The following MTA3 variants were observed in gnomAD, a reference collection of about 807,000 sequenced individuals.
The protein encoded by MTA3 is metastasis-associated protein MTA3.
In MTA3, 34 loss-of-function variants were observed where a neutral mutation model predicts 83.5. The observed-to-expected ratio is 0.41, with a 90% confidence interval of 0.31 to 0.54. The LOEUF (loss-of-function observed/expected upper bound fraction) is 0.54. Ranked by LOEUF, MTA3 falls within the 20% of genes least tolerant of loss-of-function variation. MTA3 has a pLI of 0.33. For synonymous variants in MTA3, 303 were observed against 252.7 expected, an observed-to-expected ratio of 1.20 and a Z score of -1.89; for missense variants, 761 against 726.4, an observed-to-expected ratio of 1.05 and a Z score of -0.55.
At chr2:42,719,234 A>G (rs1297749804) in intron 15 of MTA3, among the ~76,000 whole-genome samples, 160 bp downstream of exon 15, 3 of 152,170 alleles carry the variant, frequency 2.0e-5, no homozygotes, top group Non-Finnish European at 2.9e-5. Context: ...AGAAACTTTT[A>G]TTACCAGCAC....
At chr2:42,598,786 A>G (rs1682168407) in intron 3 of MTA3, among the ~76,000 whole-genome samples, 1 of 152,190 alleles carries the variant, frequency 6.6e-6, no homozygotes, top group South Asian at 2.1e-4. Flanking sequence ...GATTAAATGA[A>G]TAAAAGCCCC....
intron 6 of MTA3, among the ~76,000 whole-genome samples, chr2:42,654,927 A>G (rs915947324): frequency 5.9e-5 from 9 of 152,170 alleles, no homozygotes; most frequent in Admixed American, 4.6e-4. Flanking sequence ...CCTTCTTTCT[A>G]CTAATGCCAA....
chr2:42,592,809 G>C (rs913074592), intron 3 of MTA3, among the ~76,000 whole-genome samples: 1 of 152,048 alleles, frequency 6.6e-6, no homozygotes, highest in Admixed American at 6.6e-5. Flanking sequence ...GTCTGGGGCT[G>C]TTTTACAGTT....
In MTA3 at chr2:42,750,831, T is replaced by C. The variant is rs80275908; in HGVS notation, c.1760-2543T>C. Among the ~76,000 whole-genome samples, 1,481 of 152,002 alleles carry C rather than the reference T, an allele frequency of 9.7e-3. 19 individuals carry two copies. Among genetic ancestry groups the C allele is most frequent in the African/African-American group, 0.034 (1,419 of 41,240 alleles). Reference sequence around the variant, plus strand: ...AATAAATATCTCGACTGGTGGGACGTAGACAGTTGCCTGGTGGTATGGAGT... The same window carrying C: ...AATAAATATCTCGACTGGTGGGACGCAGACAGTTGCCTGGTGGTATGGAGT... On this transcript the variant is annotated intron_variant, in intron 16 of 16. Transcript: ENST00000405094.
At chr2:42,576,109 C>G (rs1014221635) in intron 2 of MTA3, among the ~76,000 whole-genome samples, 1 of 152,164 alleles carries the variant, frequency 6.6e-6, no homozygotes. Context: ...GTACCAGGCA[C>G]TATGCTAGGC....
chr2:42,749,291 T>C (rs1426965956), intron 16 of MTA3, among the ~76,000 whole-genome samples: 1 of 152,208 alleles, frequency 6.6e-6, no homozygotes, highest in East Asian at 1.9e-4. Flanking sequence ...GCCTGAGCTA[T>C]ATTCATCTCA....
chr2:42,559,781 C>T (rs1677577778), intron 2 of MTA3, among the ~76,000 whole-genome samples: 1 of 138,738 alleles, frequency 7.2e-6, no homozygotes, highest in Non-Finnish European at 1.5e-5. Flanking sequence ...GAGGCTGAGG[C>T]AGAAGAATCA....
chr2:42,534,406 G>A (rs567766407), intron 2 of MTA3, among the ~76,000 whole-genome samples: 5 of 152,244 alleles, frequency 3.3e-5, no homozygotes, highest in Admixed American at 3.3e-4. Flanking sequence ...GACCAGCCTG[G>A]CCAACACGGC....
At chr2:42,559,923 C>T (rs909887986) in intron 2 of MTA3, among the ~76,000 whole-genome samples, 1 of 151,886 alleles carries the variant, frequency 6.6e-6, no homozygotes, top group Non-Finnish European at 1.5e-5. Context: ...CTCCATTGGC[C>T]GTGACAGCTA....
At chr2:42,573,102 C>T (rs1034720466) in intron 2 of MTA3, among the ~76,000 whole-genome samples, 1 of 152,010 alleles carries the variant, frequency 6.6e-6, no homozygotes, top group Non-Finnish European at 1.5e-5. Flanking sequence ...TTTTGTTTTC[C>T]TCCGATTTTC....
At chr2:42,543,484 T>C (rs550512025) in intron 2 of MTA3, among the ~76,000 whole-genome samples, 1 of 150,984 alleles carries the variant, frequency 6.6e-6, no homozygotes, top group South Asian at 2.1e-4. Flanking sequence ...CCAACAGTTC[T>C]TTTTATGTTT....
rs189973386 is a variant in MTA3 at position 42,502,863 on chromosome 2, T to C, written c.-141+7609T>C. ...CTGTAATCCCAGCTATTCAGGAGGCTGAGGCAGGAGAATCACTTAAACCGG... is the reference window on the plus strand; with the variant it reads ...CTGTAATCCCAGCTATTCAGGAGGCCGAGGCAGGAGAATCACTTAAACCGG... On this transcript the variant is annotated intron_variant, in intron 2 of 17. Transcript: ENST00000405592. 6.6e-4 allele frequency among the ~76,000 whole-genome samples: 99 copies of C among 149,732 alleles called. 1 individual carries two copies. In the East Asian group the frequency reaches 0.016, roughly 25 times the overall value.
chr2:42,718,902 A>G, intron 14 of MTA3, 86 bp from the exon 15 acceptor site: 1 of 1,028,922 alleles, frequency 9.7e-7, no homozygotes, highest in East Asian at 2.6e-5. Flanking sequence ...ACTGTTTTCC[A>G]CTTGTACCTT....
chr2:42,514,745 C>CAGTGCAAT (rs1210450062), intron 2 of MTA3, among the ~76,000 whole-genome samples: 33 of 121,436 alleles, frequency 2.7e-4, no homozygotes, highest in Non-Finnish European at 4.8e-4. Flanking sequence ...TGGAGTACAG[C>CAGTGCAAT]AGTGCAATTT....
At chr2:42,708,821 C>T (rs4953577) in intron 13 of MTA3, 53 bp from the exon 14 acceptor site, 937,896 of 1,581,320 alleles carry the variant, frequency 0.59, 283,536 homozygotes, top group African/African-American at 0.81. Flanking sequence ...CAAACAGTAA[C>T]GTGTTTGGGC....
intron 6 of MTA3, among the ~76,000 whole-genome samples, chr2:42,651,438 C>G (rs1688706692): frequency 6.6e-6 from 1 of 152,076 alleles, no homozygotes; most frequent in African/African-American, 2.4e-5. Context: ...CTGTGAGACT[C>G]AAAGAAGAGC....
chr2:42,541,359 G>C (rs1676510495), intron 2 of MTA3, among the ~76,000 whole-genome samples: 1 of 152,090 alleles, frequency 6.6e-6, no homozygotes, highest in Middle Eastern at 3.2e-3. Context: ...CTTTTCCCAG[G>C]CTTATTGTGA....
intron 3 of MTA3, among the ~76,000 whole-genome samples, chr2:42,605,883 C>T (rs1167634605): frequency 8.5e-6 from 1 of 117,274 alleles, no homozygotes; most frequent in South Asian, 3.1e-4. Flanking sequence ...GTTGGCCGGG[C>T]AGAGGGGCTC....
chr2:42,674,892 G>A (rs546241903), intron 8 of MTA3, among the ~76,000 whole-genome samples: 4 of 151,380 alleles, frequency 2.6e-5, no homozygotes, highest in African/African-American at 9.7e-5. Context: ...GAGCTACTGC[G>A]CCTGGCCTAG....
Sources: allele counts gnomAD v4.1 joint callset (sites outside exome capture counted in the v4.1 genomes callset), GRCh38; gene constraint gnomAD v4.1.1; transcripts MANE v1.5; gene names NCBI Gene and HGNC (gene_info 2026-07-23, HGNC 2026-07-21).